The following COL4A3 variants were observed in gnomAD, a reference collection of about 807,000 sequenced individuals.
COL4A3 encodes the protein collagen type IV alpha 3 chain, also known as collagen alpha-3(IV) chain.
In COL4A3, 135 loss-of-function variants were observed where a neutral mutation model predicts 217.4. That is an observed-to-expected ratio of 0.62 (90% CI 0.54 to 0.72). The LOEUF (loss-of-function observed/expected upper bound fraction) is 0.72, where lower values mean the gene tolerates loss of function less well. COL4A3 is among the 30% of genes least tolerant of loss of function. COL4A3 has a pLI of 0.00. For synonymous variants in COL4A3, 690 were observed against 736.3 expected (o/e 0.94, Z 1.02); for missense variants, 1,868 against 2,119.9 (o/e 0.88, Z 2.33).
intron 24 of COL4A3, 103 bp from the exon 25 acceptor site, chr2:227,270,667 A>C: frequency 8.5e-7 from 1 of 1,175,312 alleles, no homozygotes; most frequent in Non-Finnish European, 1.2e-6. Context: ...TGTTGAAAAA[A>C]TTCATGTTAA....
At chr2:227,291,702 T>C (rs13432007) in intron 37 of COL4A3, among the ~76,000 whole-genome samples, 3,696 of 152,258 alleles carry the variant, frequency 0.024, 149 homozygotes, top group African/African-American at 0.083. Context: ...CATTTATCTT[T>C]CTTGTTTTAG....
At chr2:227,285,767 A>G (rs1673481316) in intron 34 of COL4A3, among the ~76,000 whole-genome samples, 1 of 152,212 alleles carries the variant, frequency 6.6e-6, no homozygotes, top group African/African-American at 2.4e-5. Context: ...GGCTATTTCT[A>G]TACTTCCAAC....
chr2:227,253,344 TAAATAC>T lies in COL4A3; in HGVS notation c.687+8_687+13del. On this transcript the variant is annotated splice_region_variant and intron_variant, in intron 12 of 51. Coordinates refer to ENST00000396578, the MANE Select transcript of COL4A3 (RefSeq NM_000091.5). This position sits in a 1 kb window ranked among gnomAD's most constrained non-coding sequence, Gnocchi z 4.4. ...AGGACATAAAGGAGAGCGGGTAATT[TAAATAC>T]TATGTTTTATTAGCAGGCGAGATAT... The T allele has an allele frequency of 1.2e-6, 2 of 1,613,360 alleles. No homozygotes were observed. Among genetic ancestry groups the T allele is most frequent in the Non-Finnish European group, 1.7e-6 (2 of 1,179,292 alleles).
rs2070529218 is a variant in COL4A3 at position 227,261,060 on chromosome 2, AATT to A, written c.1115-20_1115-18del. 1.2e-6 allele frequency: 2 copies of A among 1,600,484 alleles called. No individual in the cohort carries two copies. The highest frequency in any genetic ancestry group is 2.7e-5 in the African/African-American group (2 of 74,556). On this transcript the variant is annotated intron_variant, in intron 19 of 51. Transcript: ENST00000396578. Reference sequence around the variant, plus strand: ...AGCATTTATATCTTTCTAAGCAATTAATTAATGTTATATATTCCCAGGTCCCAG... The same window carrying A: ...AGCATTTATATCTTTCTAAGCAATTAAATGTTATATATTCCCAGGTCCCAG...
At chr2:227,192,165 A>G (rs2066268279) in intron 1 of COL4A3, among the ~76,000 whole-genome samples, 1 of 152,232 alleles carries the variant, frequency 6.6e-6, no homozygotes, top group Non-Finnish European at 1.5e-5. Context: ...ACGTCATTGA[A>G]AAACAGATGG....
At position 227,266,490 on chromosome 2, in the gene COL4A3, A is replaced by G. The variant is rs1574735821; in HGVS notation, c.1389A>G (p.Pro463=). ...LPGYLGSPGI[P]GVDGPKGEPG... ...GCTATCTAGGGTCTCCAGGAATCCC[A>G]GGAGTTGATGGGCCCAAAGGTTGGT... Residue 463 remains proline (P), a synonymous_variant, in exon 22 of 52, where the codon CCA becomes CCG. Coordinates refer to ENST00000396578, the MANE Select transcript of COL4A3 (RefSeq NM_000091.5). The G allele has an allele frequency of 9.3e-6, 15 of 1,613,928 alleles. No individual in the cohort carries two copies. Among genetic ancestry groups the G allele is most frequent in the Non-Finnish European group, 1.3e-5 (15 of 1,179,864 alleles).
chr2:227,177,793 T>C (rs931936972), intron 1 of COL4A3, among the ~76,000 whole-genome samples: 11 of 152,186 alleles, frequency 7.2e-5, no homozygotes, highest in African/African-American at 2.7e-4. Flanking sequence ...GCACACTGTC[T>C]ATGCTCCCTG....
At chr2:227,213,691 C>G (rs1055645197) in intron 1 of COL4A3, among the ~76,000 whole-genome samples, 8 of 152,006 alleles carry the variant, frequency 5.3e-5, no homozygotes, top group African/African-American at 1.9e-4. Flanking sequence ...ATCACAAGGT[C>G]AGGAGATCAA....
At chr2:227,283,619 G>A in intron 32 of COL4A3, 148 bp from the exon 33 acceptor site, 1 of 686,628 alleles carries the variant, frequency 1.5e-6, no homozygotes, top group Non-Finnish European at 2.6e-6. Context: ...CCATCTCCTA[G>A]ACTAATACAG....
chr2:227,193,026 A>G (rs2066304218), intron 1 of COL4A3, among the ~76,000 whole-genome samples: 1 of 152,168 alleles, frequency 6.6e-6, no homozygotes, highest in South Asian at 2.1e-4. Context: ...TTCTATATTT[A>G]CCTTGTCATA....
intron 1 of COL4A3, among the ~76,000 whole-genome samples, chr2:227,185,223 T>C (rs1243414960): frequency 6.6e-6 from 1 of 152,050 alleles, no homozygotes; most frequent in African/African-American, 2.4e-5. Context: ...TGGCATTAGG[T>C]TGCAATTCTT....
At chr2:227,203,849 A>C (rs565531054) in intron 1 of COL4A3, among the ~76,000 whole-genome samples, 1 of 151,750 alleles carries the variant, frequency 6.6e-6, no homozygotes, top group Non-Finnish European at 1.5e-5. Flanking sequence ...TTCAGCAATA[A>C]TATTCCAAAA....
intron 28 of COL4A3, among the ~76,000 whole-genome samples, chr2:227,278,342 T>C (rs1458481126): frequency 6.7e-6 from 1 of 150,134 alleles, no homozygotes; most frequent in Non-Finnish European, 1.5e-5. Context: ...GGATGGCATA[T>C]GAGTAACCTG....
chr2:227,222,884 G>A (rs980802210), intron 1 of COL4A3, among the ~76,000 whole-genome samples: 2 of 152,194 alleles, frequency 1.3e-5, no homozygotes, highest in Non-Finnish European at 2.9e-5. Flanking sequence ...AGAATACAGA[G>A]AGCCTCCCAC....
In COL4A3 at chr2:227,238,041, A is replaced by T; in HGVS notation, c.144+17A>T. The T allele has an allele frequency of 6.5e-7, 1 of 1,528,062 alleles. No homozygotes were observed. The highest frequency in any genetic ancestry group is 9.1e-7 in the Non-Finnish European group (1 of 1,101,594). 94.7% of individuals were successfully genotyped at this position (1,528,062 alleles called of 1,614,324 possible). On this transcript the variant is annotated intron_variant, in intron 2 of 51. Transcript: ENST00000396578. ...GGGGAGAAGGTAAAAACAAACCCTA[A>T]TACTGCTTGTTTACACTGTAAAGCT...
chr2:227,276,588 C>T, intron 27 of COL4A3, 111 bp downstream of exon 27: 1 of 816,202 alleles, frequency 1.2e-6, no homozygotes, highest in Non-Finnish European at 2.1e-6. Flanking sequence ...TCATTGGCTC[C>T]AAAAGAGAGC....
intron 2 of COL4A3, among the ~76,000 whole-genome samples, chr2:227,239,017 C>T (rs1027839034): frequency 6.6e-6 from 1 of 152,124 alleles, no homozygotes; most frequent in African/African-American, 2.4e-5. Context: ...TGTGCACACA[C>T]ACAATGTAAA....
chr2:227,313,279 C>T lies in COL4A3; in HGVS notation c.*1409C>T, dbSNP rs775128622. ...CCCTCTAGTTTTTTCTTCCTTTTCA[C>T]TGCTGTTATATTTCATCATGATAAT... On this transcript the variant is annotated 3_prime_UTR_variant, in exon 52 of 52. Transcript: ENST00000396578. 6.6e-6 allele frequency: 1 copy of T among 152,572 alleles called. No individual in the cohort carries two copies. The highest frequency in any genetic ancestry group is 1.5e-5 in the Non-Finnish European group (1 of 68,016). 9.5% of individuals were successfully genotyped at this position (152,572 alleles called of 1,614,324 possible).
chr2:227,231,919 T>G (rs931668092), intron 1 of COL4A3, among the ~76,000 whole-genome samples: 5 of 152,008 alleles, frequency 3.3e-5, no homozygotes, highest in African/African-American at 1.2e-4. Flanking sequence ...CTAATTTTTT[T>G]TTGTACCCAT....
Sources: allele counts gnomAD v4.1 joint callset (sites outside exome capture counted in the v4.1 genomes callset), GRCh38; gene constraint gnomAD v4.1.1; non-coding constraint Gnocchi (gnomAD v3.1); transcripts MANE v1.5; gene names NCBI Gene and HGNC (gene_info 2026-07-23, HGNC 2026-07-21).